Variants in APLP2 observed in about 807,000 individuals in gnomAD.
APLP2 encodes amyloid beta precursor like protein 2.
Under a neutral mutation model 89.9 loss-of-function variants are expected in APLP2, and 53 were observed. The observed-to-expected ratio is 0.59, with a 90% CI of 0.47 to 0.74. APLP2 has a LOEUF of 0.74. APLP2 is among the 30% of genes least tolerant of loss of function. The probability of loss-of-function intolerance (pLI) is 0.00; values close to 1 mark genes in which losing one functional copy is unlikely to be tolerated. For synonymous variants in APLP2, 372 were observed against 348.6 expected (o/e 1.07, Z -0.75); for missense variants, 973 against 975.9 (o/e 1.00, Z 0.04).
chr11:130,100,789 T>A (rs1273597562), intron 1 of APLP2, among the ~76,000 whole-genome samples: 1 of 152,082 alleles, frequency 6.6e-6, no homozygotes, highest in Non-Finnish European at 1.5e-5. Context: ...ACACTTGGAG[T>A]TTTCCCCCTA....
chr11:130,093,926 T>C lies in APLP2; in HGVS notation c.106-15503T>C, dbSNP rs560808543. Among the ~76,000 whole-genome samples the C allele has an allele frequency of 4.6e-5, 7 of 152,122 alleles. No individual in the cohort carries two copies. The East Asian group carries it at 7.7e-4, about 17-fold the overall frequency. On this transcript the variant is annotated intron_variant, in intron 1 of 16. Transcript: ENST00000338167. The stretch of plus-strand genomic sequence containing the variant: ...GTCTGGCTAATTTTTTTTGTATTTT[T>C]AGTAGAGACAGGGTTTCACCATGTT...
chr11:130,102,460 G>T (rs11221960), intron 1 of APLP2, among the ~76,000 whole-genome samples: 15,355 of 152,170 alleles, frequency 0.1, 1,180 homozygotes, highest in African/African-American at 0.21. Context: ...AAAGAGACCT[G>T]ATTCTTCCAC....
intron 1 of APLP2, among the ~76,000 whole-genome samples, chr11:130,082,338 C>G (rs926028630): frequency 2.0e-4 from 30 of 152,044 alleles, no homozygotes; most frequent in Non-Finnish European, 4.4e-5. Flanking sequence ...TGCCCGCCAT[C>G]ACGCCCAGCT....
At chr11:130,092,612 G>C (rs1945535650) in intron 1 of APLP2, among the ~76,000 whole-genome samples, 1 of 147,590 alleles carries the variant, frequency 6.8e-6, no homozygotes, top group Non-Finnish European at 1.5e-5. Context: ...TGGGCAGACT[G>C]AGGCAGGAGA....
At chr11:130,112,676 G>A (rs1015151402) in intron 3 of APLP2, among the ~76,000 whole-genome samples, 2 of 152,096 alleles carry the variant, frequency 1.3e-5, no homozygotes, top group South Asian at 2.1e-4. Context: ...TGTCTGGGCC[G>A]AGAGCAGCCT....
At chr11:130,106,298 A>G (rs1266572979) in intron 1 of APLP2, among the ~76,000 whole-genome samples, 1 of 152,088 alleles carries the variant, frequency 6.6e-6, no homozygotes, top group Non-Finnish European at 1.5e-5. Flanking sequence ...GGCCTATTTT[A>G]GGCTCTGTGG....
chr11:130,118,285 A>T (rs927180734), intron 3 of APLP2, among the ~76,000 whole-genome samples: 1 of 152,236 alleles, frequency 6.6e-6, no homozygotes, highest in Admixed American at 6.5e-5. Flanking sequence ...CTTCACTAAC[A>T]TTAACATCAA....
At chr11:130,135,193 T>A (rs1951426295) in intron 12 of APLP2, among the ~76,000 whole-genome samples, 1 of 152,082 alleles carries the variant, frequency 6.6e-6, no homozygotes, top group Non-Finnish European at 1.5e-5. Context: ...TTTGAGGTAT[T>A]CTTATTTTTA....
chr11:130,128,959 G>T, intron 9 of APLP2, 89 bp from the exon 10 acceptor site: 1 of 1,457,004 alleles, frequency 6.9e-7, no homozygotes, highest in South Asian at 1.3e-5. Flanking sequence ...CATGGGCACT[G>T]ACAGGAGAAG....
intron 8 of APLP2, among the ~76,000 whole-genome samples, chr11:130,127,219 A>ACTAT (rs1950482433): frequency 6.6e-6 from 1 of 152,212 alleles, no homozygotes; most frequent in South Asian, 2.1e-4. Context: ...GCAAACATGT[A>ACTAT]CTAATACATG....
chr11:130,134,469 C>A (rs1373948533), intron 12 of APLP2, among the ~76,000 whole-genome samples: 1 of 152,056 alleles, frequency 6.6e-6, no homozygotes, highest in African/African-American at 2.4e-5. Flanking sequence ...GGGATGTGGC[C>A]AAAGTATGCA....
chr11:130,130,172 G>T lies in APLP2; in HGVS notation c.1584+6G>T. 2 of 1,614,236 alleles carry T rather than the reference G, an allele frequency of 1.2e-6. No homozygotes were observed. The highest frequency in any genetic ancestry group is 1.7e-6 in the Non-Finnish European group (2 of 1,180,028). The stretch of plus-strand genomic sequence containing the variant: ...CGGCCCAGATGAAATCCCAGGTACA[G>T]TAGATGTAGTAGAAATTGCTGCCGT... On this transcript the variant is annotated splice_donor_region_variant and intron_variant, in intron 11 of 16. Coordinates refer to ENST00000338167, the MANE Select transcript of APLP2 (RefSeq NM_001142276.2).
rs1222704484 is a variant in APLP2 at position 130,133,707 on chromosome 11, C to T, written c.1663C>T (p.Gln555Ter). The change falls in exon 12 of 17, where the codon CAA (glutamine) becomes TAA (stop). Residue 555 changes from glutamine to a stop codon, truncating the protein, a stop_gained. Coordinates refer to ENST00000338167, the MANE Select transcript of APLP2 (RefSeq NM_001142276.2). LOFTEE classifies it high-confidence loss of function. ...GCTCTACAAAGTACCTTATGTAGCC[C>T]AAGAAATTCAAGAGGAAATTGGTGG... ...SLLYKVPYVA[Q>*]EIQEEIDELL... 1 of 1,613,752 alleles carries T rather than the reference C, an allele frequency of 6.2e-7. No homozygotes were observed.
chr11:130,089,440 T>C (rs574000865), intron 1 of APLP2, among the ~76,000 whole-genome samples: 55 of 152,338 alleles, frequency 3.6e-4, no homozygotes, highest in African/African-American at 1.3e-3. Context: ...ATGCCTCTGT[T>C]ACAGCTCTTC....
chr11:130,111,576 C>G (rs969711481), intron 3 of APLP2, among the ~76,000 whole-genome samples: 1 of 152,176 alleles, frequency 6.6e-6, no homozygotes, highest in Admixed American at 6.5e-5. Flanking sequence ...CTCATTCTCA[C>G]GTGTAGCCAA....
chr11:130,140,611 G>C, intron 14 of APLP2, 128 bp downstream of exon 14: 3 of 588,288 alleles, frequency 5.1e-6, no homozygotes, highest in Non-Finnish European at 5.7e-6. Context: ...AGGTTGGAGG[G>C]CTCCAACGGC....
chr11:130,129,945 T>A, intron 10 of APLP2, 93 bp from the exon 11 acceptor site: 1 of 1,429,186 alleles, frequency 7.0e-7, no homozygotes, highest in Non-Finnish European at 9.7e-7. Context: ...AGCTGAGCTT[T>A]ACATTCTTAA....
intron 1 of APLP2, among the ~76,000 whole-genome samples, chr11:130,089,898 C>T (rs1944658225): frequency 6.6e-6 from 1 of 152,338 alleles, no homozygotes; most frequent in Non-Finnish European, 1.5e-5. Context: ...GCCCACCCTG[C>T]TCCAGTATGA....
chr11:130,128,308 A>T (rs1039327896), intron 9 of APLP2, among the ~76,000 whole-genome samples: 10 of 152,366 alleles, frequency 6.6e-5, no homozygotes, highest in Middle Eastern at 3.4e-3. Flanking sequence ...GAATAGGGAT[A>T]GCAATTTCCA....
Sources: allele counts gnomAD v4.1 joint callset (sites outside exome capture counted in the v4.1 genomes callset), GRCh38; gene constraint gnomAD v4.1.1; transcripts MANE v1.5; gene names NCBI Gene and HGNC (gene_info 2026-07-23, HGNC 2026-07-21).